The following USH2A variants were observed in gnomAD, a reference collection of about 807,000 sequenced individuals.
USH2A encodes the protein Usher syndrome 2A (autosomal recessive, mild).
Under a neutral mutation model 538.9 loss-of-function variants are expected in USH2A, and 443 were observed. The observed-to-expected ratio is 0.82, with a 90% CI of 0.76 to 0.89. USH2A has a LOEUF of 0.89. Ranked by LOEUF, USH2A falls within the 40% of genes least tolerant of loss-of-function variation. The pLI is 0.00. For missense variants in USH2A, 6,633 were observed against 6,324.8 expected (o/e 1.05, Z -1.65); for synonymous variants, 2,413 against 2,273.5 (o/e 1.06, Z -1.75).
rs200079188 is a variant in USH2A at position 215,987,051 on chromosome 1, TA to T, written c.6805+5968del. 9.5e-3 allele frequency among the ~76,000 whole-genome samples: 1,448 copies of T among 152,072 alleles called. 15 individuals are homozygous for T. Among genetic ancestry groups the T allele is most frequent in the African/African-American group, 0.031 (1,273 of 41,484 alleles). On this transcript the variant is annotated intron_variant, in intron 35 of 71. Transcript: ENST00000307340. ...ATATTCTATATTTTTAGTTAGTATT[TA>T]AAAAAAACACATATTCTAATTAGTT... is the stretch of plus-strand genomic sequence containing the variant.
chr1:216,359,738 T>C (rs1215282196), intron 4 of USH2A, among the ~76,000 whole-genome samples: 1 of 152,106 alleles, frequency 6.6e-6, no homozygotes, highest in Non-Finnish European at 1.5e-5. Flanking sequence ...GTGCAAATGA[T>C]AGGATTGTGT....
chr1:215,645,500 G>A (rs899219511), intron 67 of USH2A, among the ~76,000 whole-genome samples: 3 of 152,116 alleles, frequency 2.0e-5, no homozygotes, highest in African/African-American at 7.2e-5. Flanking sequence ...TTCTGCCTCA[G>A]TTTTTTCATC....
intron 36 of USH2A, among the ~76,000 whole-genome samples, chr1:215,966,023 G>A (rs1230880594): frequency 1.3e-5 from 2 of 151,484 alleles, no homozygotes; most frequent in East Asian, 3.9e-4. Flanking sequence ...TATGAGCTAT[G>A]TTGCTATCAG....
At chr1:216,153,305 C>A (rs2033876140) in intron 21 of USH2A, among the ~76,000 whole-genome samples, 1 of 152,180 alleles carries the variant, frequency 6.6e-6, no homozygotes, top group South Asian at 2.1e-4. Flanking sequence ...GAGTCACAAG[C>A]ACCCACCCCT....
chr1:216,044,899 T>C (rs972791109), intron 32 of USH2A, among the ~76,000 whole-genome samples: 4 of 152,146 alleles, frequency 2.6e-5, no homozygotes, highest in African/African-American at 9.7e-5. Flanking sequence ...TAATAAAATA[T>C]AAAAGTAATT....
chr1:215,790,292 T>A lies in USH2A; in HGVS notation c.9959-10A>T, dbSNP rs1326430531. Reference sequence around the variant, plus strand: ...CCACAACAGAACATACCTGCAACAATAAAATGTTATATATGAATATGAAAT... The same window carrying A: ...CCACAACAGAACATACCTGCAACAAAAAAATGTTATATATGAATATGAAAT... On this transcript the variant is annotated splice_polypyrimidine_tract_variant and intron_variant, in intron 50 of 71. Coordinates refer to ENST00000307340, the MANE Select transcript of USH2A (RefSeq NM_206933.4). 6.2e-7 allele frequency: 1 copy of A among 1,612,784 alleles called. No homozygotes were observed. Among genetic ancestry groups the A allele is most frequent in the Admixed American group, 1.7e-5 (1 of 59,970 alleles).
chr1:216,365,478 T>G (rs1174087006), intron 3 of USH2A, among the ~76,000 whole-genome samples: 1 of 152,118 alleles, frequency 6.6e-6, no homozygotes. Flanking sequence ...AAACCAGATA[T>G]AACAACAAAG....
chr1:215,746,869 G>T (rs1243390249), intron 58 of USH2A, among the ~76,000 whole-genome samples: 21 of 152,088 alleles, frequency 1.4e-4, no homozygotes, highest in Non-Finnish European at 2.9e-5. Context: ...ACTTTGATAT[G>T]GAAAATTTGG....
chr1:215,960,048 A>G (rs556557463), intron 37 of USH2A, among the ~76,000 whole-genome samples: 1 of 152,280 alleles, frequency 6.6e-6, no homozygotes, highest in Non-Finnish European at 1.5e-5. Flanking sequence ...AATCCAAGGG[A>G]AGTCTAGTAG....
intron 13 of USH2A, among the ~76,000 whole-genome samples, chr1:216,243,635 G>A (rs144935049): frequency 6.6e-6 from 1 of 152,256 alleles, no homozygotes; most frequent in Non-Finnish European, 1.5e-5. Flanking sequence ...CCCCTGGCTA[G>A]AAATGGACAG....
intron 21 of USH2A, among the ~76,000 whole-genome samples, chr1:216,099,048 T>C (rs969204626): frequency 2.6e-5 from 4 of 152,198 alleles, no homozygotes; most frequent in African/African-American, 9.6e-5. Context: ...AAGTCATTTT[T>C]AGAGTGCTAT....
intron 9 of USH2A, among the ~76,000 whole-genome samples, chr1:216,303,288 A>G (rs535924006): frequency 6.6e-6 from 1 of 152,110 alleles, no homozygotes; most frequent in East Asian, 1.9e-4. Flanking sequence ...ATGGCCTGGA[A>G]TAGAGACCAT....
rs143234368 is a variant in USH2A at position 216,374,353 on chromosome 1, C to T, written c.652-9268G>A. Among the ~76,000 whole-genome samples the T allele has an allele frequency of 3.4e-3, 515 of 151,698 alleles. 4 individuals are homozygous for T. The highest frequency in any genetic ancestry group is 0.011 in the African/African-American group (458 of 41,406). On this transcript the variant is annotated intron_variant, in intron 3 of 71. Transcript: ENST00000307340. ...TGATCTTAATACTGTTAAAGAGGAC[C>T]GCCCAGTTATTTTGTAGATTGCCTC... is the stretch of plus-strand genomic sequence containing the variant.
At chr1:216,259,030 C>G (rs1437537683) in intron 11 of USH2A, among the ~76,000 whole-genome samples, 1 of 152,044 alleles carries the variant, frequency 6.6e-6, no homozygotes, top group Non-Finnish European at 1.5e-5. Flanking sequence ...CCTATGCTTA[C>G]TATACCAGGG....
chr1:215,881,013 G>A (rs933668320), intron 41 of USH2A, among the ~76,000 whole-genome samples: 4 of 152,216 alleles, frequency 2.6e-5, no homozygotes, highest in African/African-American at 9.7e-5. Context: ...GGCTGAGGCA[G>A]GAGAGTTGCT....
chr1:216,413,762 A>G (rs1239510082), intron 3 of USH2A, among the ~76,000 whole-genome samples: 1 of 152,100 alleles, frequency 6.6e-6, no homozygotes, highest in Non-Finnish European at 1.5e-5. Flanking sequence ...GAACAAGCCC[A>G]ATGCTAAATC....
chr1:215,897,145 G>A (rs1665368137), intron 40 of USH2A, among the ~76,000 whole-genome samples: 1 of 152,036 alleles, frequency 6.6e-6, no homozygotes, highest in African/African-American at 2.4e-5. Flanking sequence ...TTGCTTCTCT[G>A]GCTGTAGCTC....
intron 11 of USH2A, among the ~76,000 whole-genome samples, chr1:216,266,314 A>AT (rs551560087): frequency 6.7e-4 from 102 of 152,138 alleles, no homozygotes; most frequent in Non-Finnish European, 9.4e-4. Flanking sequence ...GGAAACAAAA[A>AT]TTTCCAGAGA....
rs566712710 is a variant in USH2A, at chr1:216,121,250, T to C, written c.4628-24037A>G. 2.6e-5 allele frequency among the ~76,000 whole-genome samples: 4 copies of C among 152,272 alleles called. No homozygotes were observed. In the South Asian group the frequency reaches 8.3e-4, roughly 32 times the overall value. ...ATATTATGTTAAAGCTGCTAAAAGG[T>C]TAACTATGTTAAACTAAAAGGTTGA... On this transcript the variant is annotated intron_variant, in intron 21 of 71. Coordinates refer to ENST00000307340, the MANE Select transcript of USH2A (RefSeq NM_206933.4).
Sources: allele counts gnomAD v4.1 joint callset (sites outside exome capture counted in the v4.1 genomes callset), GRCh38; gene constraint gnomAD v4.1.1; transcripts MANE v1.5; gene names NCBI Gene and HGNC (gene_info 2026-07-23, HGNC 2026-07-21).